TNPO2: variants seen among roughly 807,000 people sequenced by gnomAD.
TNPO2 encodes transportin-2.
TNPO2 carries 16 observed loss-of-function variants against 111.1 expected under a neutral mutation model. That is an observed-to-expected ratio of 0.14 (90% CI 0.10 to 0.22). TNPO2 has a LOEUF of 0.22. Ranked by LOEUF, TNPO2 falls within the 10% of genes least tolerant of loss-of-function variation. The pLI is 1.00. For missense variants in TNPO2, 530 were observed against 1,173.7 expected (o/e 0.45, Z 8.01); for synonymous variants, 481 against 475.8 (o/e 1.01, Z -0.14).
At position 12,705,306 on chromosome 19, in the gene TNPO2, C is replaced by T; in HGVS notation, c.1956G>A (p.Leu652=). The T allele has an allele frequency of 6.2e-7, 1 of 1,600,402 alleles. No individual in the cohort carries two copies. Among genetic ancestry groups the T allele is most frequent in the Non-Finnish European group, 8.5e-7 (1 of 1,173,744 alleles). ...LDLLSGLAEG[L]GGHVEQLVAR... ...CCACCAGCTGCTCCACGTGACCACCCAGGCCCTCGGCCAGGCCGCTGAGCA... is the reference window on the plus strand; with the variant it reads ...CCACCAGCTGCTCCACGTGACCACCTAGGCCCTCGGCCAGGCCGCTGAGCA... Residue 652 remains leucine, a synonymous_variant, in exon 18 of 26, where the codon CTG becomes CTA. Coordinates refer to ENST00000425528, the MANE Select transcript of TNPO2 (RefSeq NM_001382241.1). This position sits in a 1 kb window ranked among gnomAD's most constrained non-coding sequence, Gnocchi z 7.2.
Position 12,717,432 on chromosome 19 carries a change from C to G in TNPO2, c.325+1597G>C, listed in dbSNP as rs562109779. 4.0e-5 allele frequency among the ~76,000 whole-genome samples: 6 copies of G among 151,318 alleles called. No homozygotes were observed. In the South Asian group the frequency reaches 1.3e-3, roughly 32 times the overall value. On this transcript the variant is annotated intron_variant, in intron 5 of 25. Coordinates refer to ENST00000425528, the MANE Select transcript of TNPO2 (RefSeq NM_001382241.1). ...GATTACAGGTGCCCGCTGCCACACT[C>G]AGCAAATTTTTGTATTTTTAGTAGA...
intron 10 of TNPO2, among the ~76,000 whole-genome samples, chr19:12,712,507 A>C (rs1401468907): frequency 6.6e-6 from 1 of 152,164 alleles, no homozygotes. Flanking sequence ...CATCCTGTAC[A>C]CCTGGCTCTG....
At position 12,705,181 on chromosome 19, in the gene TNPO2, C is replaced by A; in HGVS notation, c.2022+59G>T. Reference sequence around the variant, plus strand: ...TGGGCACAACCAGGCCCTGACTCCCCACCAGGGGCAGCCCACGCAGGCTGC... The same window carrying A: ...TGGGCACAACCAGGCCCTGACTCCCAACCAGGGGCAGCCCACGCAGGCTGC... On this transcript the variant is annotated intron_variant, in intron 18 of 25. Coordinates refer to ENST00000425528, the MANE Select transcript of TNPO2 (RefSeq NM_001382241.1). The surrounding 1 kb of genome is among the most constrained non-coding windows in gnomAD (Gnocchi z 7.2). 6.5e-7 allele frequency: 1 copy of A among 1,536,672 alleles called. No individual in the cohort carries two copies. The highest frequency in any genetic ancestry group is 2.3e-4 in the Middle Eastern group (1 of 4,354).
intron 13 of TNPO2, among the ~76,000 whole-genome samples, chr19:12,710,326 A>G (rs985209026): frequency 2.6e-5 from 4 of 152,214 alleles, no homozygotes; most frequent in Non-Finnish European, 5.9e-5. Flanking sequence ...GTTTGTCTAC[A>G]TAAGTGCACG....
At position 12,705,659 on chromosome 19, in the gene TNPO2, G is replaced by T. The variant is rs746549108; in HGVS notation, c.1755+23C>A. Reference sequence around the variant, plus strand: ...GCAGGGTGGGCAGGATGGGTTTCGGGTGAGGGGCAGGAGCCCACTCACCTC... The same window carrying T: ...GCAGGGTGGGCAGGATGGGTTTCGGTTGAGGGGCAGGAGCCCACTCACCTC... On this transcript the variant is annotated intron_variant, in intron 16 of 25. Coordinates refer to ENST00000425528, the MANE Select transcript of TNPO2 (RefSeq NM_001382241.1). The surrounding 1 kb of genome is among the most constrained non-coding windows in gnomAD (Gnocchi z 7.2). The T allele has an allele frequency of 5.1e-6, 8 of 1,555,926 alleles. No homozygotes were observed. The highest frequency in any genetic ancestry group is 2.4e-5 in the South Asian group (2 of 84,590).
intron 1 of TNPO2, 145 bp from the exon 2 acceptor site, chr19:12,723,510 C>G (rs1599434952): frequency 6.6e-6 from 1 of 152,268 alleles, no homozygotes; most frequent in East Asian, 1.9e-4. Context: ...AAGAGCAGTT[C>G]GCGCGATTAG....
At chr19:12,716,116 C>T (rs900890987) in intron 5 of TNPO2, among the ~76,000 whole-genome samples, 1 of 152,178 alleles carries the variant, frequency 6.6e-6, no homozygotes, top group African/African-American at 2.4e-5. Flanking sequence ...AGCAATCCTC[C>T]TGCCTTGGCC....
Position 12,701,888 on chromosome 19 carries a change from G to A in TNPO2, c.2412-37C>T. The A allele has an allele frequency of 6.4e-7, 1 of 1,567,678 alleles. No homozygotes were observed. On this transcript the variant is annotated intron_variant, in intron 22 of 25. Coordinates refer to ENST00000425528, the MANE Select transcript of TNPO2 (RefSeq NM_001382241.1). This position sits in a 1 kb window ranked among gnomAD's most constrained non-coding sequence, Gnocchi z 5.0. ...TGAGCAGCTGGAGGTCAGAGGGCAG[G>A]CTGGGCATGCATCTGTGGAGGGCTG...
chr19:12,720,823 T>A, intron 3 of TNPO2, 56 bp downstream of exon 3: 1 of 1,534,194 alleles, frequency 6.5e-7, no homozygotes, highest in Non-Finnish European at 8.8e-7. Flanking sequence ...TCTCTGGCCT[T>A]TGGAAACTGC....
In TNPO2 at chr19:12,714,903, C is replaced by T; in HGVS notation, c.808G>A (p.Val270Ile). The T allele has an allele frequency of 6.2e-7, 1 of 1,613,720 alleles. No homozygotes were observed. The highest frequency in any genetic ancestry group is 8.5e-7 in the Non-Finnish European group (1 of 1,179,766). ...CAGAACTCACAGGCCTCAAGGGCAA[C>T]GTTCTCATCATGGTCCTGGGTCCTC... ...LQRTQDHDENVALEACEFWLT... is the reference protein window; with the variant it reads ...LQRTQDHDENIALEACEFWLT... The change falls in exon 10 of 26, where the codon GTT becomes ATT. Residue 270 changes from valine to isoleucine, a missense_variant. By Grantham distance (29) the Val-to-Ile change is conservative (BLOSUM62 3). Transcript: ENST00000425528.
Position 12,702,509 on chromosome 19 carries a change from G to A in TNPO2, c.2305+314C>T. 3.7e-6 allele frequency: 2 copies of A among 534,572 alleles called. No homozygotes were observed. The highest frequency in any genetic ancestry group is 1.9e-5 in the South Asian group (1 of 51,528). 33.1% of individuals were successfully genotyped at this position (534,572 alleles called of 1,614,324 possible). ...AGCCTCCCGAGTAGCTGGGATTGCA[G>A]GCACGTGCCATTACCCCCGGCTAAT... On this transcript the variant is annotated intron_variant, in intron 21 of 25. Transcript: ENST00000425528. The surrounding 1 kb of genome is among the most constrained non-coding windows in gnomAD (Gnocchi z 5.5).
chr19:12,718,161 C>T (rs1381158796), intron 5 of TNPO2, among the ~76,000 whole-genome samples: 2 of 148,914 alleles, frequency 1.3e-5, no homozygotes, highest in East Asian at 1.9e-4. Context: ...TTCACCACCA[C>T]GCCCAGCTAA....
chr19:12,720,378 T>C (rs766977801), intron 3 of TNPO2, among the ~76,000 whole-genome samples: 7 of 152,142 alleles, frequency 4.6e-5, no homozygotes, highest in Non-Finnish European at 7.3e-5. Flanking sequence ...TGGAGTACAG[T>C]GGCACAATCT....
rs1568331082 is a variant in TNPO2 at position 12,702,392 on chromosome 19, T to TTTTG, written c.2306-216_2306-215insCAAA. 3.2e-5 allele frequency: 22 copies of TTTTG among 684,988 alleles called. No homozygotes were observed. Among genetic ancestry groups the TTTTG allele is most frequent in the African/African-American group, 3.2e-4 (18 of 56,222 alleles). The allele number at this position is 684,988 out of a possible 1,614,324, so 42.4% of individuals were successfully genotyped here. A position where few individuals can be genotyped will look rare whatever the true frequency, so the allele number is the denominator to read the frequency against. On this transcript the variant is annotated intron_variant, in intron 21 of 25. Transcript: ENST00000425528. The surrounding 1 kb of genome is among the most constrained non-coding windows in gnomAD (Gnocchi z 5.5). The stretch of plus-strand genomic sequence containing the variant: ...TTCCTTTCCCTTTCCTTTTTGTTTT[T>TTTTG]TTTTGTTTTGTTTTGTTTTTGAGAT...
chr19:12,711,491 T>TG, intron 11 of TNPO2, 30 bp from the exon 12 acceptor site: 1 of 1,613,896 alleles, frequency 6.2e-7, no homozygotes, highest in Non-Finnish European at 8.5e-7. Context: ...TTAAGTACTT[T>TG]GGGGACCACA....
At chr19:12,709,539 G>A (rs1249508385) in intron 13 of TNPO2, among the ~76,000 whole-genome samples, 6 of 151,926 alleles carry the variant, frequency 3.9e-5, no homozygotes, top group Non-Finnish European at 7.4e-5. Flanking sequence ...ATGCTGGAAC[G>A]CAGTGGCGCA....
chr19:12,699,538 TGA>T lies in TNPO2; in HGVS notation c.*1724_*1725del, dbSNP rs2025183193. 6.5e-6 allele frequency: 1 copy of T among 153,172 alleles called. No individual in the cohort carries two copies. The highest frequency in any genetic ancestry group is 2.4e-5 in the African/African-American group (1 of 40,964). The allele number at this position is 153,172 out of a possible 1,614,324, so 9.5% of individuals were successfully genotyped here. A position where few individuals can be genotyped will look rare whatever the true frequency, so the allele number is the denominator to read the frequency against. ...TGAAGGTGTTTGTATCCCCCCATCT[TGA>T]GTAGCGAGGGGTTACCAATCCCATC... is the stretch of plus-strand genomic sequence containing the variant. On this transcript the variant is annotated 3_prime_UTR_variant, in exon 26 of 26. Transcript: ENST00000425528.
Position 12,711,548 on chromosome 19 carries a change from C to T in TNPO2, c.951+5G>A. On this transcript the variant is annotated splice_donor_5th_base_variant and intron_variant, in intron 11 of 25. Coordinates refer to ENST00000425528, the MANE Select transcript of TNPO2 (RefSeq NM_001382241.1). ...CCCACCCATGCTGGGTGGGCCCTGC[C>T]TGACCTTGAGCAGGATGATGTCAAT... The T allele has an allele frequency of 6.2e-7, 1 of 1,613,980 alleles. No individual in the cohort carries two copies. The highest frequency in any genetic ancestry group is 1.1e-5 in the South Asian group (1 of 91,082).
intron 5 of TNPO2, among the ~76,000 whole-genome samples, chr19:12,716,137 C>T (rs575950909): frequency 6.6e-6 from 1 of 152,298 alleles, no homozygotes; most frequent in African/African-American, 2.4e-5. Flanking sequence ...TCCAAAAGCA[C>T]TGAGATTACA....
Sources: gnomAD v4.1 joint callset for allele counts (sites outside exome capture counted in the v4.1 genomes callset) on GRCh38, gnomAD v4.1.1 for gene constraint, Gnocchi (gnomAD v3.1) non-coding constraint, MANE v1.5 for transcripts, NCBI Gene and HGNC (gene_info 2026-07-23, HGNC 2026-07-21) for gene names.